The following MRTFB variants were observed in gnomAD, a reference collection of about 807,000 sequenced individuals.
MRTFB encodes myocardin-related transcription factor B.
A neutral mutation model predicts 104.2 loss-of-function variants in MRTFB; 29 were observed. The ratio of observed to expected loss-of-function variants is 0.28; its 90% confidence interval spans 0.21 to 0.38. The LOEUF (loss-of-function observed/expected upper bound fraction) is 0.38, where lower values mean the gene tolerates loss of function less well. Ranked by LOEUF, MRTFB falls within the 10% of genes least tolerant of loss-of-function variation. MRTFB has a pLI of 1.00. For missense variants in MRTFB, 1,270 were observed against 1,341.6 expected, an observed-to-expected ratio of 0.95 and a Z score of 0.83; for synonymous variants, 535 against 519.5, an observed-to-expected ratio of 1.03 and a Z score of -0.41.
intron 3 of MRTFB, among the ~76,000 whole-genome samples, chr16:14,181,679 T>G (rs952680186): frequency 1.3e-5 from 2 of 152,244 alleles, no homozygotes; most frequent in Non-Finnish European, 2.9e-5. Context: ...CATTGCCCAG[T>G]TGGAAATATT....
At chr16:14,016,022 T>G in the MRTFB span, 1 of 398,628 alleles carries the variant, frequency 2.5e-6, no homozygotes, top group Non-Finnish European at 4.4e-6. Context: ...CCTATCTAAC[T>G]TCTCCAAAAT....
At chr16:14,001,843 G>A in the MRTFB span, among the ~76,000 whole-genome samples, 12 of 152,290 alleles carry the variant, frequency 7.9e-5, no homozygotes, top group African/African-American at 1.4e-4. Context: ...AACCCACTTC[G>A]CTGAATAGGA....
At chr16:14,081,857 A>G (rs2034434417) in intron 2 of MRTFB, among the ~76,000 whole-genome samples, 1 of 152,170 alleles carries the variant, frequency 6.6e-6, no homozygotes, top group Non-Finnish European at 1.5e-5. Context: ...CTGGGATTAT[A>G]GGTGTGAGCC....
intron 6 of MRTFB, 50 bp downstream of exon 6, chr16:14,213,670 G>A: frequency 7.6e-7 from 1 of 1,324,474 alleles, no homozygotes; most frequent in Non-Finnish European, 1.0e-6. Context: ...AAGAAAAGAA[G>A]TGAGAATTTC....
Position 14,266,114 on chromosome 16 carries a change from AG to A in MRTFB, c.*4672del, listed in dbSNP as rs1464465588. The A allele has an allele frequency of 3.3e-5, 5 of 152,250 alleles. No homozygotes were observed. The highest frequency in any genetic ancestry group is 3.3e-4 in the Admixed American group (5 of 15,290). 9.4% of individuals were successfully genotyped at this position (152,250 alleles called of 1,614,324 possible). ...AAGGCATTGCCAAGTATTTGCCAAA[AG>A]GAGGCACTTTTTATTTAAAATTTGA... On this transcript the variant is annotated 3_prime_UTR_variant, in exon 17 of 17. Transcript: ENST00000571589.
chr16:14,134,712 A>G (rs2037619474), intron 2 of MRTFB, among the ~76,000 whole-genome samples: 1 of 152,114 alleles, frequency 6.6e-6, no homozygotes, highest in Non-Finnish European at 1.5e-5. Flanking sequence ...CCCGTCTCCC[A>G]TCACCCCACT....
the MRTFB span, among the ~76,000 whole-genome samples, chr16:13,996,687 C>T: frequency 6.6e-5 from 10 of 152,168 alleles, no homozygotes; most frequent in South Asian, 1.7e-3. Flanking sequence ...ATGGAGAGCT[C>T]GTGAGACAAA....
At chr16:14,062,398 T>C in the MRTFB span, among the ~76,000 whole-genome samples, 6 of 152,198 alleles carry the variant, frequency 3.9e-5, no homozygotes, top group Non-Finnish European at 5.9e-5. Flanking sequence ...CCACCCAGCC[T>C]CCAGGATCTT....
intron 8 of MRTFB, among the ~76,000 whole-genome samples, chr16:14,222,070 G>T (rs926474235): frequency 6.6e-6 from 1 of 152,060 alleles, no homozygotes; most frequent in East Asian, 1.9e-4. Context: ...ATGAGCCGCC[G>T]CACCTGGCCC....
chr16:14,140,428 G>A lies in MRTFB; in HGVS notation c.-63-116G>A, dbSNP rs1040014652. 91 of 663,630 alleles carry A rather than the reference G, an allele frequency of 1.4e-4. No homozygotes were observed. In the Middle Eastern group the frequency reaches 3.0e-3, roughly 22 times the overall value. 41.1% of individuals were successfully genotyped at this position (663,630 alleles called of 1,614,324 possible). A position where few individuals can be genotyped will look rare whatever the true frequency, so the allele number is the denominator to read the frequency against. The stretch of plus-strand genomic sequence containing the variant: ...AGGTCCAGAGAGGGTAAATGGATTA[G>A]TATGACCATACAGCAGTAAAACTGG... On this transcript the variant is annotated intron_variant, in intron 2 of 16. Transcript: ENST00000571589.
chr16:14,032,602 T>C, the MRTFB span, among the ~76,000 whole-genome samples: 1 of 152,100 alleles, frequency 6.6e-6, no homozygotes, highest in Admixed American at 6.6e-5. Context: ...AGAAGGGGGA[T>C]TATGGGAACC....
chr16:14,020,832 G>A, the MRTFB span: 1 of 152,270 alleles, frequency 6.6e-6, no homozygotes, highest in Non-Finnish European at 1.5e-5. Flanking sequence ...TCCTCTGTTT[G>A]GAACTTCTGG....
At chr16:14,076,125 CT>C (rs111920871) in intron 1 of MRTFB, among the ~76,000 whole-genome samples, 9,101 of 150,396 alleles carry the variant, frequency 0.061, 851 homozygotes, top group African/African-American at 0.2. Flanking sequence ...ATTTTCCTTG[CT>C]TTTTTTTTAA....
At chr16:14,133,100 CAA>C (rs1242084503) in intron 2 of MRTFB, among the ~76,000 whole-genome samples, 15 of 152,128 alleles carry the variant, frequency 9.9e-5, no homozygotes, top group Non-Finnish European at 1.9e-4. Flanking sequence ...ATTCTGTACT[CAA>C]GAGTCTTTTC....
chr16:14,217,910 T>C (rs576452841), intron 7 of MRTFB, among the ~76,000 whole-genome samples: 1 of 152,308 alleles, frequency 6.6e-6, no homozygotes, highest in Admixed American at 6.5e-5. Flanking sequence ...GTTACTGATG[T>C]TTCTCTTTTT....
At chr16:14,209,897 C>A (rs758324386) in intron 3 of MRTFB, among the ~76,000 whole-genome samples, 1 of 152,106 alleles carries the variant, frequency 6.6e-6, no homozygotes, top group African/African-American at 2.4e-5. Context: ...AATTTCACGT[C>A]TCTTATTTCT....
Position 14,102,520 on chromosome 16 carries a change from T to C in MRTFB, c.-64+23166T>C, listed in dbSNP as rs117636973. 2.4e-3 allele frequency among the ~76,000 whole-genome samples: 373 copies of C among 152,342 alleles called. 3 individuals carry two copies. The highest frequency in any genetic ancestry group is 3.7e-3 in the Non-Finnish European group (250 of 68,028). ...CTCAAGAAAATAATTAAGGGTCATA[T>C]ACAGATAAGAAGATATTTACTTTAG... On this transcript the variant is annotated intron_variant, in intron 2 of 16. Transcript: ENST00000571589.
the MRTFB span, among the ~76,000 whole-genome samples, chr16:14,012,381 C>T: frequency 6.7e-6 from 1 of 149,736 alleles, no homozygotes; most frequent in Non-Finnish European, 1.5e-5. Context: ...TCACTGCAAC[C>T]TCTGCCTCCC....
Position 14,132,159 on chromosome 16 carries a change from G to A in MRTFB, c.-63-8385G>A, listed in dbSNP as rs566593468. On this transcript the variant is annotated intron_variant, in intron 2 of 16. Coordinates refer to ENST00000571589, the MANE Select transcript of MRTFB (RefSeq NM_001308142.2). ...GAATCTTGAAAATATTATGTTAAGT[G>A]AAAGAAAATACACACAAAAGGCCAC... 5.9e-5 allele frequency among the ~76,000 whole-genome samples: 9 copies of A among 152,264 alleles called. No individual in the cohort carries two copies. In the East Asian group the frequency reaches 1.7e-3, roughly 29 times the overall value.
Sources: gnomAD v4.1 joint callset for allele counts (sites outside exome capture counted in the v4.1 genomes callset) on GRCh38, gnomAD v4.1.1 for gene constraint, MANE v1.5 for transcripts, NCBI Gene and HGNC (gene_info 2026-07-23, HGNC 2026-07-21) for gene names.